Variants in GOLGA4 observed in about 807,000 individuals in gnomAD.
GOLGA4 encodes golgin A4, also known as golgin subfamily A member 4.
In GOLGA4, 169 loss-of-function variants were observed where a neutral mutation model predicts 265.9. The ratio of observed to expected loss-of-function variants is 0.64; its 90% CI spans 0.56 to 0.72. The LOEUF (loss-of-function observed/expected upper bound fraction) is 0.72, where lower values mean the gene tolerates loss of function less well. Among genes scored for constraint, GOLGA4 ranks in the 30% least tolerant of loss-of-function variants. The pLI is 0.00. For missense variants in GOLGA4, 2,482 were observed against 2,483.4 expected, an observed-to-expected ratio of 1.00 and a Z score of 0.01; for synonymous variants, 923 against 855.8, an observed-to-expected ratio of 1.08 and a Z score of -1.37.
At chr3:37,338,384 C>T (rs2097021482) in intron 19 of GOLGA4, among the ~76,000 whole-genome samples, 1 of 152,060 alleles carries the variant, frequency 6.6e-6, no homozygotes, top group South Asian at 2.1e-4. Flanking sequence ...ACTATATTTT[C>T]TTGGAATATG....
intron 2 of GOLGA4, among the ~76,000 whole-genome samples, chr3:37,266,056 G>A (rs910946887): frequency 2.0e-5 from 3 of 150,314 alleles, no homozygotes; most frequent in Non-Finnish European, 4.4e-5. Flanking sequence ...AAATTTTAAC[G>A]TTATAATACG....
chr3:37,243,472 G>C lies in GOLGA4; in HGVS notation c.-79G>C. On this transcript the variant is annotated 5_prime_UTR_variant, in exon 1 of 24. Coordinates refer to ENST00000361924, the MANE Select transcript of GOLGA4 (RefSeq NM_002078.5). ...CTGTCCCTGGTGTAAAGAAGTCGCC[G>C]TAGCCGTCGCGGCCGGGACTCCCCG... 8.0e-7 allele frequency: 1 copy of C among 1,256,344 alleles called. No homozygotes were observed. The highest frequency in any genetic ancestry group is 1.7e-5 in the Admixed American group (1 of 58,598). 77.8% of individuals were successfully genotyped at this position (1,256,344 alleles called of 1,614,324 possible). A position where few individuals can be genotyped will look rare whatever the true frequency, so the allele number is the denominator to read the frequency against.
intron 17 of GOLGA4, 136 bp from the exon 18 acceptor site, chr3:37,337,007 T>G: frequency 1.6e-6 from 1 of 636,494 alleles, no homozygotes. Context: ...TAAAGTTGCC[T>G]TACCTCAAGT....
chr3:37,323,978 A>G lies in GOLGA4; in HGVS notation c.2092A>G (p.Lys698Glu). ...ATCTTCTGAACTGTCAGAAGTATTA[A>G]AAGCCCGTCACAAACTAGAAGAGGA... The part of the protein sequence containing the change: ...SLSSELSEVL[K>E]ARHKLEEELS... Residue 698 changes from lysine (K) to glutamate (E), a missense_variant, in exon 14 of 24, where the codon AAA becomes GAA. This residue lies in a region of GOLGA4 where 1,536 missense variants were observed against 1,483.7 expected (regional missense o/e 1.04). Coordinates refer to ENST00000361924, the MANE Select transcript of GOLGA4 (RefSeq NM_002078.5). 2 of 1,613,664 alleles carry G rather than the reference A, an allele frequency of 1.2e-6. No individual in the cohort carries two copies. Among genetic ancestry groups the G allele is most frequent in the South Asian group, 2.2e-5 (2 of 91,060 alleles).
chr3:37,353,924 T>G (rs1375769034), intron 21 of GOLGA4, among the ~76,000 whole-genome samples: 1 of 151,962 alleles, frequency 6.6e-6, no homozygotes, highest in Non-Finnish European at 1.5e-5. Flanking sequence ...TAGCAGAAGA[T>G]GAAAGATAAA....
Position 37,246,816 on chromosome 3 carries a change from C to T in GOLGA4, c.72+3194C>T, listed in dbSNP as rs79390582. Among the ~76,000 whole-genome samples, 64 of 152,228 alleles carry T rather than the reference C, an allele frequency of 4.2e-4. 1 individual carries two copies. In the East Asian group the frequency reaches 0.012, roughly 28 times the overall value. ...TCAACATATACGCCCCTCCTTATGC[C>T]TGCAGAATCATCCCTTATTTTTTTC... On this transcript the variant is annotated intron_variant, in intron 1 of 23. Coordinates refer to ENST00000361924, the MANE Select transcript of GOLGA4 (RefSeq NM_002078.5).
chr3:37,255,588 A>G (rs2096746290), intron 2 of GOLGA4, among the ~76,000 whole-genome samples: 2 of 152,212 alleles, frequency 1.3e-5, no homozygotes, highest in Admixed American at 6.5e-5. Context: ...ATAGATAAAA[A>G]GGCAAAACCT....
At chr3:37,278,422 T>C (rs914237931) in intron 2 of GOLGA4, among the ~76,000 whole-genome samples, 3 of 152,156 alleles carry the variant, frequency 2.0e-5, no homozygotes, top group Non-Finnish European at 4.4e-5. Flanking sequence ...AGTCTGGTCT[T>C]GAACTCCTGA....
chr3:37,349,007 G>C (rs1431373306), intron 21 of GOLGA4, among the ~76,000 whole-genome samples: 1 of 152,128 alleles, frequency 6.6e-6, no homozygotes, highest in Non-Finnish European at 1.5e-5. Context: ...CATCTAATAA[G>C]CTGGCTGGGA....
At chr3:37,359,657 T>C (rs2097099411) in intron 22 of GOLGA4, among the ~76,000 whole-genome samples, 3 of 152,198 alleles carry the variant, frequency 2.0e-5, no homozygotes, top group African/African-American at 7.2e-5. Context: ...TAGTTCTTCA[T>C]CAGTCCTTGC....
At chr3:37,363,684 A>C (rs977496898) in intron 23 of GOLGA4, among the ~76,000 whole-genome samples, 1 of 152,242 alleles carries the variant, frequency 6.6e-6, no homozygotes, top group Non-Finnish European at 1.5e-5. Flanking sequence ...TACATACAGT[A>C]CAGTTATTAC....
In GOLGA4 at chr3:37,265,406, A is replaced by G. The variant is rs374986770; in HGVS notation, c.162+13922A>G. 2.4e-3 allele frequency among the ~76,000 whole-genome samples: 362 copies of G among 152,328 alleles called. 4 individuals are homozygous for G. Among genetic ancestry groups the G allele is most frequent in the African/African-American group, 8.2e-3 (340 of 41,570 alleles). Reference sequence around the variant, plus strand: ...TTAGAGAAAAATAATGTGGTATGTAAGTACAAATAAATGATTAAAGTTTTT... The same window carrying G: ...TTAGAGAAAAATAATGTGGTATGTAGGTACAAATAAATGATTAAAGTTTTT... On this transcript the variant is annotated intron_variant, in intron 2 of 23. Coordinates refer to ENST00000361924, the MANE Select transcript of GOLGA4 (RefSeq NM_002078.5).
At chr3:37,246,306 C>CA (rs58075364) in intron 1 of GOLGA4, among the ~76,000 whole-genome samples, 2,913 of 75,300 alleles carry the variant, frequency 0.039, 51 homozygotes, top group African/African-American at 0.089. Flanking sequence ...GACTCCGTCT[C>CA]AAAAAAAAAA....
intron 5 of GOLGA4, among the ~76,000 whole-genome samples, chr3:37,291,485 A>G (rs546750478): frequency 6.6e-6 from 1 of 152,296 alleles, no homozygotes; most frequent in East Asian, 1.9e-4. Flanking sequence ...GGCAATATCA[A>G]ATGGGGAAAG....
chr3:37,339,954 T>TA (rs1184563455), intron 19 of GOLGA4, among the ~76,000 whole-genome samples, 170 bp from the exon 20 acceptor site: 2 of 152,140 alleles, frequency 1.3e-5, no homozygotes, highest in African/African-American at 4.8e-5. Context: ...TCTTTAGTTT[T>TA]AGTTTTTTTT....
intron 10 of GOLGA4, among the ~76,000 whole-genome samples, chr3:37,311,596 T>A (rs1559412809): frequency 6.6e-6 from 1 of 152,124 alleles, no homozygotes; most frequent in Non-Finnish European, 1.5e-5. Context: ...TGAAGGAAAA[T>A]TTGGATGCTT....
In GOLGA4 at chr3:37,298,893, A is replaced by G. The variant is rs1307256432; in HGVS notation, c.875A>G (p.Glu292Gly). The part of the protein sequence containing the change: ...ETLQQRVKRQ[E>G]NLLKRCKETI... ...CTCCAGCAAAGAGTGAAGCGTCAAG[A>G]GAACCTACTTAAGCGTTGTAAGGAA... The change falls in exon 8 of 24, where the codon GAG becomes GGG. Residue 292 changes from glutamate (E) to glycine (G), a missense_variant. Physicochemically the swap from Glu to Gly is moderately conservative, Grantham distance 98. Around this residue, in one of 3 missense-constraint regions of GOLGA4, gnomAD observed 1,536 missense variants for 1,483.7 expected, o/e 1.04. Transcript: ENST00000361924. The G allele has an allele frequency of 1.2e-6, 2 of 1,613,812 alleles. No homozygotes were observed. The highest frequency in any genetic ancestry group is 1.1e-5 in the South Asian group (1 of 91,024).
chr3:37,350,524 G>A (rs1183703365), intron 21 of GOLGA4, among the ~76,000 whole-genome samples: 3 of 151,600 alleles, frequency 2.0e-5, no homozygotes, highest in African/African-American at 7.3e-5. Flanking sequence ...AGATTTTTTG[G>A]TACTTATAAA....
rs1195636678 is a variant in GOLGA4, at chr3:37,282,217, A to G, written c.422A>G (p.Gln141Arg). ...SDSLNKEQLI[Q>R]RLRRMERSLS... ...AGTCTCAACAAAGAACAGTTGATTC[A>G]GCGGTTGCGAAGAATGGAACGAAGC... Residue 141 changes from glutamine (Q) to arginine (R), a missense_variant, in exon 3 of 24, where the codon CAG (glutamine) becomes CGG (arginine). Transcript: ENST00000361924. The G allele has an allele frequency of 1.9e-6, 3 of 1,614,222 alleles. No individual in the cohort carries two copies. In the Admixed American group the frequency reaches 5.0e-5, roughly 27 times the overall value.
Sources: allele counts gnomAD v4.1 joint callset (sites outside exome capture counted in the v4.1 genomes callset), GRCh38; gene constraint gnomAD v4.1.1; regional missense constraint gnomAD v4.1.1; transcripts MANE v1.5; gene names NCBI Gene and HGNC (gene_info 2026-07-23, HGNC 2026-07-21).